The following SPON1 variants were observed in gnomAD, a reference collection of about 807,000 sequenced individuals.
SPON1 encodes spondin-1.
A neutral mutation model predicts 111.7 loss-of-function variants in SPON1; 52 were observed. The observed-to-expected ratio is 0.47, with a 90% CI of 0.37 to 0.59. The LOEUF is 0.59. Among genes scored for constraint, SPON1 ranks in the 20% least tolerant of loss-of-function variants. SPON1 has a pLI of 0.00. For synonymous variants in SPON1, 410 were observed against 395.8 expected (o/e 1.04, Z -0.43); for missense variants, 957 against 1,068.5 (o/e 0.90, Z 1.46).
chr11:13,987,314 G>T (rs910134136), intron 2 of SPON1, among the ~76,000 whole-genome samples: 1 of 152,234 alleles, frequency 6.6e-6, no homozygotes, highest in African/African-American at 2.4e-5. Flanking sequence ...CTAATGACCA[G>T]TGATGATAAG....
chr11:14,160,567 A>T (rs1591393506), intron 6 of SPON1, among the ~76,000 whole-genome samples: 1 of 29,992 alleles, frequency 3.3e-5, no homozygotes, highest in Non-Finnish European at 5.4e-5. Flanking sequence ...ATTTATATAT[A>T]TATTTATATA....
intron 6 of SPON1, among the ~76,000 whole-genome samples, chr11:14,162,414 T>C (rs2133876664): frequency 6.6e-6 from 1 of 152,284 alleles, no homozygotes; most frequent in East Asian, 1.9e-4. Context: ...TCAAATAGTT[T>C]AACTTAAATC....
chr11:14,011,028 A>C (rs987916937), intron 2 of SPON1, among the ~76,000 whole-genome samples: 6 of 152,138 alleles, frequency 3.9e-5, no homozygotes, highest in Non-Finnish European at 8.8e-5. Flanking sequence ...CTTAAGAATC[A>C]ATTACATTTT....
chr11:13,963,642 T>C (rs1167099249), intron 1 of SPON1, among the ~76,000 whole-genome samples: 2 of 151,876 alleles, frequency 1.3e-5, no homozygotes. Context: ...CCGGCTTCCC[T>C]GGATAGGTCC....
chr11:14,073,095 G>A (rs558989241), intron 3 of SPON1, among the ~76,000 whole-genome samples: 46 of 152,080 alleles, frequency 3.0e-4, no homozygotes, highest in African/African-American at 8.2e-4. Context: ...ATTCATGCAC[G>A]TTTCAAACAT....
At chr11:14,083,618 T>C (rs1397465719) in intron 5 of SPON1, among the ~76,000 whole-genome samples, 2 of 152,238 alleles carry the variant, frequency 1.3e-5, no homozygotes, top group Admixed American at 6.5e-5. Context: ...TACTGAGTTA[T>C]GCAGATTGTG....
Position 14,019,370 on chromosome 11 carries a change from G to A in SPON1, c.346-22151G>A, listed in dbSNP as rs145921775. ...TATGTATATTAATTATATATTATAC[G>A]TAATTTTATAATGTGTATAATTATA... On this transcript the variant is annotated intron_variant, in intron 2 of 15. Coordinates refer to ENST00000576479, the MANE Select transcript of SPON1 (RefSeq NM_006108.4). Among the ~76,000 whole-genome samples the A allele has an allele frequency of 1.9e-3, 290 of 149,728 alleles. 2 individuals carry two copies. Among genetic ancestry groups the A allele is most frequent in the African/African-American group, 6.5e-3 (268 of 40,962 alleles).
At chr11:14,083,158 A>C (rs1374300109) in intron 5 of SPON1, among the ~76,000 whole-genome samples, 5 of 152,226 alleles carry the variant, frequency 3.3e-5, no homozygotes, top group Non-Finnish European at 7.3e-5. Context: ...GAAAATACCT[A>C]TATTCAAAAC....
intron 6 of SPON1, among the ~76,000 whole-genome samples, chr11:14,160,835 T>TTTTATATATATTTTA (rs1847928122): frequency 1.9e-5 from 1 of 51,982 alleles, no homozygotes; most frequent in African/African-American, 7.6e-5. Flanking sequence ...TTATATATAT[T>TTTTATATATATTTTA]TATATATTTA....
At position 14,160,630 on chromosome 11, in the gene SPON1, TA is replaced by T. The variant is rs1847916075; in HGVS notation, c.825+25063del. ...ATTTATATATATTTATATATATATT[TA>T]TATATATTTACATATATTTATATAT... On this transcript the variant is annotated intron_variant, in intron 6 of 15. Transcript: ENST00000576479. Among the ~76,000 whole-genome samples, 2 of 27,490 alleles carry T rather than the reference TA, an allele frequency of 7.3e-5. 1 individual carries two copies. The highest frequency in any genetic ancestry group is 1.2e-4 in the Non-Finnish European group (2 of 16,092). The allele number at this position is 27,490 out of a possible 152,430, so 18.0% of individuals were successfully genotyped here.
intron 7 of SPON1, among the ~76,000 whole-genome samples, chr11:14,252,483 C>T (rs111795522): frequency 7.1e-6 from 1 of 140,406 alleles, no homozygotes; most frequent in Non-Finnish European, 1.5e-5. Context: ...AAGACCTGCG[C>T]AGAGTGTGGG....
At chr11:13,997,419 G>A (rs1330093072) in intron 2 of SPON1, among the ~76,000 whole-genome samples, 1 of 152,134 alleles carries the variant, frequency 6.6e-6, no homozygotes, top group Non-Finnish European at 1.5e-5. Flanking sequence ...AACTTACTTA[G>A]TCCCTTCATC....
At position 14,014,743 on chromosome 11, in the gene SPON1, C is replaced by T. The variant is rs559557246; in HGVS notation, c.346-26778C>T. Among the ~76,000 whole-genome samples the T allele has an allele frequency of 2.6e-5, 4 of 152,312 alleles. No homozygotes were observed. The East Asian group carries it at 7.7e-4, about 29-fold the overall frequency. Reference sequence around the variant, plus strand: ...GGACACAAAACACAGGAAGCATTTCCAAGGGACCAGGTCAGAGGCCTGCCT... The same window carrying T: ...GGACACAAAACACAGGAAGCATTTCTAAGGGACCAGGTCAGAGGCCTGCCT... On this transcript the variant is annotated intron_variant, in intron 2 of 15. Coordinates refer to ENST00000576479, the MANE Select transcript of SPON1 (RefSeq NM_006108.4).
intron 6 of SPON1, among the ~76,000 whole-genome samples, chr11:14,143,876 G>T (rs1554929042): frequency 1.3e-5 from 2 of 152,112 alleles, no homozygotes; most frequent in African/African-American, 4.8e-5. Flanking sequence ...TAAACACAAG[G>T]ATATGGAAAG....
chr11:14,035,963 C>T (rs528669442), intron 2 of SPON1, among the ~76,000 whole-genome samples: 1 of 152,182 alleles, frequency 6.6e-6, no homozygotes, highest in South Asian at 2.1e-4. Flanking sequence ...TACCAGCTAC[C>T]TTGCAAAGTG....
intron 6 of SPON1, among the ~76,000 whole-genome samples, chr11:14,200,801 C>A (rs1258795837): frequency 8.5e-6 from 1 of 117,656 alleles, no homozygotes; most frequent in Admixed American, 1.1e-4. Flanking sequence ...GGTGACAGAG[C>A]AAGACCCTGT....
At chr11:14,034,504 C>G (rs1564890213) in intron 2 of SPON1, among the ~76,000 whole-genome samples, 1 of 152,218 alleles carries the variant, frequency 6.6e-6, no homozygotes, top group Non-Finnish European at 1.5e-5. Context: ...GGAGGATTCT[C>G]TGGATCGAGA....
intron 6 of SPON1, among the ~76,000 whole-genome samples, chr11:14,157,518 T>C (rs558773229): frequency 4.6e-5 from 7 of 152,284 alleles, no homozygotes; most frequent in Admixed American, 6.5e-5. Flanking sequence ...ATGACTTTAT[T>C]TATATTTATT....
chr11:14,137,080 G>C (rs1847601446), intron 6 of SPON1, among the ~76,000 whole-genome samples: 1 of 152,196 alleles, frequency 6.6e-6, no homozygotes, highest in Non-Finnish European at 1.5e-5. Context: ...AATTACATCA[G>C]GGTCAAGGGC....
Sources: allele counts gnomAD v4.1 joint callset (sites outside exome capture counted in the v4.1 genomes callset), GRCh38; gene constraint gnomAD v4.1.1; transcripts MANE v1.5; gene names NCBI Gene and HGNC (gene_info 2026-07-23, HGNC 2026-07-21).